Variants in SI observed in about 807,000 individuals in gnomAD.
SI encodes the protein sucrase-isomaltase, also known as sucrase-isomaltase, intestinal.
In SI, 235 loss-of-function variants were observed where a neutral mutation model predicts 253.3. The ratio of observed to expected loss-of-function variants is 0.93; its 90% CI spans 0.83 to 1.03. The LOEUF is 1.03. SI is among the 50% of genes least tolerant of loss of function. The pLI, the probability that SI is intolerant of heterozygous loss-of-function variation, is 0.00. For synonymous variants in SI, 819 were observed against 712.0 expected, an observed-to-expected ratio of 1.15 and a Z score of -2.39; for missense variants, 2,442 against 2,211.1, an observed-to-expected ratio of 1.10 and a Z score of -2.09.
intron 25 of SI, among the ~76,000 whole-genome samples, chr3:165,025,925 A>T (rs1192907939): frequency 6.6e-6 from 1 of 150,592 alleles, no homozygotes; most frequent in Non-Finnish European, 1.5e-5. Flanking sequence ...AAAACATAAT[A>T]AAAAAACAAG....
chr3:165,070,372 G>GTA (rs1247465844), intron 3 of SI, among the ~76,000 whole-genome samples: 1 of 144,764 alleles, frequency 6.9e-6, no homozygotes, highest in African/African-American at 2.7e-5. Context: ...ATATGTGTGT[G>GTA]TGTGTGTGTT....
intron 9 of SI, among the ~76,000 whole-genome samples, chr3:165,062,004 T>C (rs1714005919): frequency 6.6e-6 from 1 of 152,096 alleles, no homozygotes; most frequent in East Asian, 1.9e-4. Context: ...AAAGGATATA[T>C]GACCTACACA....
chr3:165,021,187 A>C, intron 27 of SI, 42 bp downstream of exon 27: 1 of 1,573,346 alleles, frequency 6.4e-7, no homozygotes, highest in Non-Finnish European at 8.7e-7. Flanking sequence ...TTCGTAAGCT[A>C]AAATTAAAAT....
chr3:165,080,766 G>C (rs142452526), upstream of SI, among the ~76,000 whole-genome samples: 1,722 of 152,082 alleles, frequency 0.011, 37 homozygotes, highest in African/African-American at 0.039. Flanking sequence ...GTGGAGGAAG[G>C]GGGGAGGGAT....
chr3:164,998,485 G>A, intron 38 of SI, 55 bp downstream of exon 38: 1 of 1,574,600 alleles, frequency 6.4e-7, no homozygotes, highest in Non-Finnish European at 8.7e-7. Context: ...ACCAGCAAAA[G>A]TGAGTATCTA....
chr3:165,073,964 T>C (rs1576926783), intron 3 of SI, among the ~76,000 whole-genome samples: 1 of 152,080 alleles, frequency 6.6e-6, no homozygotes, highest in East Asian at 1.9e-4. Flanking sequence ...GGACTGTACA[T>C]ATACACCCAC....
the SI span, among the ~76,000 whole-genome samples, chr3:165,090,189 G>A: frequency 2.7e-5 from 4 of 148,658 alleles, no homozygotes; most frequent in East Asian, 3.9e-4. Context: ...GAACCCCCCC[G>A]CATTGTCTCT....
At chr3:165,063,865 T>G (rs1212062006) in intron 7 of SI, among the ~76,000 whole-genome samples, 1 of 150,698 alleles carries the variant, frequency 6.6e-6, no homozygotes, top group Non-Finnish European at 1.5e-5. Flanking sequence ...AGATAGGAGA[T>G]TGAAACCATC....
chr3:165,016,799 T>A (rs1488733833), intron 31 of SI, among the ~76,000 whole-genome samples: 1 of 151,962 alleles, frequency 6.6e-6, no homozygotes, highest in African/African-American at 2.4e-5. Context: ...CAATAATGTA[T>A]ACCTCCTTTT....
intron 41 of SI, 57 bp from the exon 42 acceptor site, chr3:164,992,454 C>T: frequency 7.2e-6 from 8 of 1,117,426 alleles, no homozygotes; most frequent in Non-Finnish European, 1.1e-5. Context: ...TTCTGAATAC[C>T]ATAAAATCAT....
intron 37 of SI, among the ~76,000 whole-genome samples, chr3:165,006,350 T>C (rs1054916835): frequency 6.6e-6 from 1 of 152,078 alleles, no homozygotes; most frequent in Non-Finnish European, 1.5e-5. Context: ...TCTCAATTGA[T>C]CCGCCCGCCT....
At chr3:165,062,260 A>C (rs1714022491) in intron 9 of SI, 111 bp downstream of exon 9, 2 of 665,140 alleles carry the variant, frequency 3.0e-6, no homozygotes, top group Non-Finnish European at 5.4e-6. Context: ...TTTCGAAAAC[A>C]TTTAGCTAAG....
At chr3:165,000,904 G>T (rs1396085958) in intron 37 of SI, among the ~76,000 whole-genome samples, 1 of 151,074 alleles carries the variant, frequency 6.6e-6, no homozygotes, top group Non-Finnish European at 1.5e-5. Context: ...GTTTATTATT[G>T]CCTACAGGAG....
At chr3:165,000,709 A>G (rs966009791) in intron 37 of SI, among the ~76,000 whole-genome samples, 1 of 151,448 alleles carries the variant, frequency 6.6e-6, no homozygotes, top group Non-Finnish European at 1.5e-5. Context: ...AAAGATATAA[A>G]GTTCAAACAC....
In SI at chr3:165,075,896, A is replaced by G. The variant is rs1714932696; in HGVS notation, c.117T>C (p.Asp39=). Residue 39 remains aspartate (D), a splice_region_variant and synonymous_variant, in exon 2 of 48, where the codon GAT becomes GAC. Coordinates refer to ENST00000264382, the MANE Select transcript of SI (RefSeq NM_001041.4). The part of the protein sequence containing the change: ...VVLATKTPAV[D]EISDSTSTPA... The stretch of plus-strand genomic sequence containing the variant: ...CCATGCTTTTAATGTACTACTTACC[A>G]TCAACAGCAGGTGTCTTAGTTGCTA... 6.5e-7 allele frequency: 1 copy of G among 1,537,478 alleles called. No individual in the cohort carries two copies. The highest frequency in any genetic ancestry group is 9.0e-7 in the Non-Finnish European group (1 of 1,111,350).
At chr3:165,031,227 A>C (rs1418396509) in intron 24 of SI, among the ~76,000 whole-genome samples, 1 of 149,786 alleles carries the variant, frequency 6.7e-6, no homozygotes, top group Non-Finnish European at 1.5e-5. Context: ...TTTCATCTGC[A>C]TAGCTTACTT....
chr3:164,987,301 T>C (rs1717485658), intron 44 of SI, 75 bp from the exon 45 acceptor site: 4 of 1,198,056 alleles, frequency 3.3e-6, no homozygotes, highest in Non-Finnish European at 5.0e-6. Context: ...GACATCCACA[T>C]AAGGATCTAT....
chr3:165,039,081 T>C lies in SI; in HGVS notation c.2298A>G (p.Glu766=). Residue 766 remains glutamate (E), a synonymous_variant, in exon 20 of 48, where the codon GAA becomes GAG. Coordinates refer to ENST00000264382, the MANE Select transcript of SI (RefSeq NM_001041.4). ...YIPDAIWYDY[E]SGAKRPWRKQ... Reference sequence around the variant, plus strand: ...TTAGTATGTTAAGGTTACTTACAGATTCATAATCATACCAAATAGCATCAG... The same window carrying C: ...TTAGTATGTTAAGGTTACTTACAGACTCATAATCATACCAAATAGCATCAG... 6.3e-7 allele frequency: 1 copy of C among 1,580,238 alleles called. No individual in the cohort carries two copies. The highest frequency in any genetic ancestry group is 8.7e-7 in the Non-Finnish European group (1 of 1,151,050).
chr3:165,022,855 G>A (rs566853558), intron 26 of SI, among the ~76,000 whole-genome samples: 1 of 151,680 alleles, frequency 6.6e-6, no homozygotes, highest in South Asian at 2.1e-4. Context: ...CTGAGCTAAA[G>A]TGAATTAACA....
Sources: allele counts gnomAD v4.1 joint callset (sites outside exome capture counted in the v4.1 genomes callset), GRCh38; gene constraint gnomAD v4.1.1; transcripts MANE v1.5; gene names NCBI Gene and HGNC (gene_info 2026-07-23, HGNC 2026-07-21).